Variants in TTC28 observed in about 807,000 individuals in gnomAD.
TTC28 encodes the protein tetratricopeptide repeat domain 28.
In TTC28, 61 loss-of-function variants were observed where a neutral mutation model predicts 198.0. The ratio of observed to expected loss-of-function variants is 0.31; its 90% CI spans 0.25 to 0.38. TTC28 has a LOEUF of 0.38. Among genes scored for constraint, TTC28 ranks in the 10% least tolerant of loss-of-function variants. The pLI is 1.00. For missense variants in TTC28, 2,678 were observed against 3,164.0 expected, an observed-to-expected ratio of 0.85 and a Z score of 3.69; for synonymous variants, 1,171 against 1,297.8, an observed-to-expected ratio of 0.90 and a Z score of 2.10.
chr22:28,655,972 A>G (rs1291843467), intron 1 of TTC28, among the ~76,000 whole-genome samples: 4 of 152,230 alleles, frequency 2.6e-5, no homozygotes, highest in Non-Finnish European at 5.9e-5. Context: ...TTCAGTTAGA[A>G]GACAGAAACT....
chr22:28,547,792 A>G (rs1297924077), intron 2 of TTC28, among the ~76,000 whole-genome samples: 1 of 151,910 alleles, frequency 6.6e-6, no homozygotes, highest in African/African-American at 2.4e-5. Flanking sequence ...CTCTACAGAC[A>G]TGTATCATTT....
intron 2 of TTC28, among the ~76,000 whole-genome samples, chr22:28,547,953 G>A (rs544789280): frequency 3.3e-5 from 5 of 151,420 alleles, no homozygotes; most frequent in East Asian, 3.9e-4. Context: ...TACTAGATAC[G>A]AAAATTGTGG....
At chr22:28,285,169 C>G (rs763735495) in intron 5 of TTC28, among the ~76,000 whole-genome samples, 1 of 151,998 alleles carries the variant, frequency 6.6e-6, no homozygotes, top group Non-Finnish European at 1.5e-5. Flanking sequence ...TACATACACA[C>G]ACATACATAC....
chr22:28,435,253 C>T (rs1191323753), intron 2 of TTC28, among the ~76,000 whole-genome samples: 3 of 152,112 alleles, frequency 2.0e-5, no homozygotes, highest in Non-Finnish European at 4.4e-5. Context: ...TAACAGAATA[C>T]TCTAAATGGC....
chr22:28,530,157 C>G (rs2049101021), intron 2 of TTC28, among the ~76,000 whole-genome samples: 1 of 152,038 alleles, frequency 6.6e-6, no homozygotes. Context: ...AGCTAAAAAC[C>G]TTGAAAAAAG....
At chr22:28,306,466 T>A (rs2045147547) in intron 3 of TTC28, 30 bp downstream of exon 3, 2 of 1,541,074 alleles carry the variant, frequency 1.3e-6, no homozygotes, top group South Asian at 1.2e-5. Context: ...TTTAAATTAA[T>A]GTTATACCAA....
At chr22:28,200,640 A>G (rs1213920907) in intron 5 of TTC28, among the ~76,000 whole-genome samples, 1 of 152,120 alleles carries the variant, frequency 6.6e-6, no homozygotes, top group East Asian at 1.9e-4. Context: ...AGCTCCACTG[A>G]GAACATAAGA....
chr22:27,982,591 T>G lies in TTC28; in HGVS notation c.7076A>C (p.Asn2359Thr). ...AIDEKVQAVHNLKMFWQSTPQ... is the reference protein window; with the variant it reads ...AIDEKVQAVHTLKMFWQSTPQ... ...TGTGCTCTGCCAGAACATCTTCAGGTTATGGACAGCCTGCACCTTTTCATC... is the reference window on the plus strand; with the variant it reads ...TGTGCTCTGCCAGAACATCTTCAGGGTATGGACAGCCTGCACCTTTTCATC... The change falls in exon 23 of 23, where the codon AAC (asparagine) becomes ACC (threonine). Residue 2359 changes from asparagine to threonine, a missense_variant. Around this residue, in one of 8 missense-constraint regions of TTC28, gnomAD observed 622 missense variants for 656.0 expected, o/e 0.95. Coordinates refer to ENST00000397906, the MANE Select transcript of TTC28 (RefSeq NM_001145418.2). This position sits in a 1 kb window ranked among gnomAD's most constrained non-coding sequence, Gnocchi z 5.2. 1 of 1,551,692 alleles carries G rather than the reference T, an allele frequency of 6.4e-7. No homozygotes were observed. Among genetic ancestry groups the G allele is most frequent in the Non-Finnish European group, 8.7e-7 (1 of 1,147,006 alleles).
chr22:28,658,149 AAAT>A (rs2051689856), intron 1 of TTC28, among the ~76,000 whole-genome samples: 1 of 152,206 alleles, frequency 6.6e-6, no homozygotes, highest in South Asian at 2.1e-4. Context: ...AAAAGTAATA[AAAT>A]ATTACACAAG....
chr22:28,422,777 G>T (rs527767486), intron 2 of TTC28, among the ~76,000 whole-genome samples: 126 of 152,040 alleles, frequency 8.3e-4, no homozygotes, highest in Non-Finnish European at 3.4e-4. Context: ...ACCTCTATAA[G>T]AAGTTTAAAA....
chr22:28,544,921 T>C (rs996534178), intron 2 of TTC28, among the ~76,000 whole-genome samples: 27 of 152,348 alleles, frequency 1.8e-4, no homozygotes, highest in African/African-American at 4.8e-4. Context: ...CCACCCCTTG[T>C]AGAGCATATA....
intron 12 of TTC28, among the ~76,000 whole-genome samples, chr22:28,073,487 T>C (rs1430671328): frequency 2.0e-5 from 3 of 152,160 alleles, no homozygotes; most frequent in Admixed American, 6.5e-5. Context: ...CACAGAGGTG[T>C]GTGCTATGTT....
chr22:28,262,403 G>C (rs1931385123), intron 5 of TTC28, among the ~76,000 whole-genome samples: 1 of 152,060 alleles, frequency 6.6e-6, no homozygotes, highest in Non-Finnish European at 1.5e-5. Context: ...TAGAAAAATA[G>C]TTTTCCATAT....
chr22:28,402,376 G>A (rs1281489120), intron 2 of TTC28, among the ~76,000 whole-genome samples: 1 of 152,134 alleles, frequency 6.6e-6, no homozygotes, highest in Non-Finnish European at 1.5e-5. Context: ...GTCCTGTGGT[G>A]GCACATGCAA....
rs184481105 is a variant in TTC28 at position 28,634,423 on chromosome 22, T to C, written c.103-4593A>G. Among the ~76,000 whole-genome samples, 710 of 151,200 alleles carry C rather than the reference T, an allele frequency of 4.7e-3. 2 individuals are homozygous for C. The highest frequency in any genetic ancestry group is 0.017 in the African/African-American group (684 of 41,126). On this transcript the variant is annotated intron_variant, in intron 1 of 22. Coordinates refer to ENST00000397906, the MANE Select transcript of TTC28 (RefSeq NM_001145418.2). Reference sequence around the variant, plus strand: ...TACTCAGGAGGCTGAGGCAGGAGAATTGCTTGAACCTGGGAATCGGAGGTT... The same window carrying C: ...TACTCAGGAGGCTGAGGCAGGAGAACTGCTTGAACCTGGGAATCGGAGGTT...
intron 2 of TTC28, among the ~76,000 whole-genome samples, chr22:28,551,640 C>A (rs2145962131): frequency 6.6e-6 from 1 of 152,292 alleles, no homozygotes; most frequent in East Asian, 1.9e-4. Flanking sequence ...ATGATCATCT[C>A]AATAGATGCA....
At chr22:28,032,535 G>C (rs571362718) in intron 12 of TTC28, among the ~76,000 whole-genome samples, 1 of 151,996 alleles carries the variant, frequency 6.6e-6, no homozygotes, top group Non-Finnish European at 1.5e-5. Context: ...ACCTATGCTG[G>C]AGAGAATTTT....
chr22:28,186,313 G>A (rs1489792811), intron 5 of TTC28, among the ~76,000 whole-genome samples: 2 of 152,094 alleles, frequency 1.3e-5, no homozygotes, highest in African/African-American at 4.8e-5. Flanking sequence ...AGTATCCTCA[G>A]GATTATATAT....
intron 5 of TTC28, among the ~76,000 whole-genome samples, chr22:28,257,665 T>C (rs1312092479): frequency 1.4e-5 from 2 of 147,716 alleles, no homozygotes; most frequent in Non-Finnish European, 3.0e-5. Flanking sequence ...AATATATTTA[T>C]TACCACTGAA....
Sources: allele counts gnomAD v4.1 joint callset (sites outside exome capture counted in the v4.1 genomes callset), GRCh38; gene constraint gnomAD v4.1.1; regional missense constraint gnomAD v4.1.1; non-coding constraint Gnocchi (gnomAD v3.1); transcripts MANE v1.5; gene names NCBI Gene and HGNC (gene_info 2026-07-23, HGNC 2026-07-21).